CDK12: variants seen among roughly 807,000 people sequenced by gnomAD.
CDK12 encodes the protein cyclin-dependent kinase 12.
A neutral mutation model predicts 133.8 loss-of-function variants in CDK12; 17 were observed. That is an observed-to-expected ratio of 0.13 (90% CI 0.09 to 0.19). The LOEUF is 0.19. CDK12 is among the 10% of genes least tolerant of loss of function. The pLI is 1.00. For missense variants in CDK12, 1,508 were observed against 1,818.7 expected (o/e 0.83, Z 3.11); for synonymous variants, 694 against 683.6 (o/e 1.02, Z -0.24).
At chr17:39,510,512 C>T (rs983293407) in intron 7 of CDK12, among the ~76,000 whole-genome samples, 1 of 152,182 alleles carries the variant, frequency 6.6e-6, no homozygotes, top group Non-Finnish European at 1.5e-5. Flanking sequence ...TTATCACTTA[C>T]ATTTTAGGCA....
At chr17:39,508,102 C>T (rs73298796) in intron 6 of CDK12, among the ~76,000 whole-genome samples, 4,980 of 152,090 alleles carry the variant, frequency 0.033, 133 homozygotes, top group African/African-American at 0.071. Context: ...TTACATTATA[C>T]TTACTGGTTC....
chr17:39,551,702 C>A (rs1035321021), intron 2 of CDK12, among the ~76,000 whole-genome samples: 1 of 152,080 alleles, frequency 6.6e-6, no homozygotes, highest in African/African-American at 2.4e-5. Flanking sequence ...GCTCTTAGAC[C>A]CCTCTGACTC....
At chr17:39,515,071 G>C (rs911840101) in intron 8 of CDK12, among the ~76,000 whole-genome samples, 2 of 152,072 alleles carry the variant, frequency 1.3e-5, no homozygotes, top group African/African-American at 4.8e-5. Flanking sequence ...AAATTAGCCG[G>C]GTGTGGTGGT....
At chr17:39,466,833 A>G (rs1275103471) in intron 1 of CDK12, among the ~76,000 whole-genome samples, 2 of 151,958 alleles carry the variant, frequency 1.3e-5, no homozygotes, top group Non-Finnish European at 2.9e-5. Context: ...TGTGCATTAC[A>G]TGTTTTTCTT....
intron 1 of CDK12, 120 bp from the exon 2 acceptor site, chr17:39,470,759 G>T: frequency 1.2e-6 from 1 of 831,438 alleles, no homozygotes; most frequent in Non-Finnish European, 1.8e-6. Flanking sequence ...CGTTTTTGAT[G>T]GCACTTAATC....
chr17:39,487,524 A>T (rs115829383), intron 2 of CDK12, among the ~76,000 whole-genome samples: 1 of 150,894 alleles, frequency 6.6e-6, no homozygotes, highest in Non-Finnish European at 1.5e-5. Context: ...GAGAAGACCT[A>T]TCTGGCCTGA....
chr17:39,549,860 C>A (rs766288101), upstream of CDK12: 2 of 152,220 alleles, frequency 1.3e-5, no homozygotes, highest in Non-Finnish European at 2.9e-5. Flanking sequence ...CTACTCAACA[C>A]CTCCAGAAAT....
At chr17:39,541,437 G>C (rs556505184) in intron 1 of CDK12, among the ~76,000 whole-genome samples, 4 of 148,016 alleles carry the variant, frequency 2.7e-5, no homozygotes, top group Non-Finnish European at 5.9e-5. Flanking sequence ...GCGCGATCTC[G>C]GCTCACTGCA....
chr17:39,497,865 A>G (rs945599719), intron 5 of CDK12, among the ~76,000 whole-genome samples: 3 of 152,108 alleles, frequency 2.0e-5, no homozygotes, highest in Admixed American at 6.6e-5. Flanking sequence ...TTGGCCTCCT[A>G]AAGTGCTGGG....
intron 3 of CDK12, among the ~76,000 whole-genome samples, chr17:39,559,805 C>T (rs572166848): frequency 2.3e-4 from 33 of 146,226 alleles, no homozygotes; most frequent in Non-Finnish European, 3.9e-4. Context: ...TGCCACTGCA[C>T]GCCAGCCTGG....
chr17:39,486,195 C>T (rs902412751), intron 2 of CDK12, among the ~76,000 whole-genome samples: 5 of 150,678 alleles, frequency 3.3e-5, no homozygotes, highest in Non-Finnish European at 7.4e-5. Flanking sequence ...TCAGGTGATC[C>T]GCCCGCTTGG....
intron 1 of CDK12, among the ~76,000 whole-genome samples, chr17:39,542,013 GC>G (rs2143803942): frequency 6.6e-6 from 1 of 152,230 alleles, no homozygotes; most frequent in African/African-American, 2.4e-5. Flanking sequence ...CGAGTAGAGT[GC>G]CCCCAACTTT....
At chr17:39,504,039 G>T (rs1264735990) in intron 6 of CDK12, among the ~76,000 whole-genome samples, 1 of 152,180 alleles carries the variant, frequency 6.6e-6, no homozygotes, top group African/African-American at 2.4e-5. Context: ...AGTAGGGATG[G>T]ACTCGGTAGA....
At chr17:39,510,310 G>A (rs940272812) in intron 7 of CDK12, among the ~76,000 whole-genome samples, 1 of 151,584 alleles carries the variant, frequency 6.6e-6, no homozygotes, top group African/African-American at 2.4e-5. Flanking sequence ...TAGTAGAGGC[G>A]GGGTTTCACC....
At chr17:39,559,052 TATA>T (rs2056271016) in intron 3 of CDK12, among the ~76,000 whole-genome samples, 1 of 152,202 alleles carries the variant, frequency 6.6e-6, no homozygotes, top group African/African-American at 2.4e-5. Context: ...CTAATGAGAA[TATA>T]ATATTTATTA....
intron 5 of CDK12, among the ~76,000 whole-genome samples, chr17:39,496,202 C>T (rs570193894): frequency 1.3e-5 from 2 of 152,296 alleles, no homozygotes; most frequent in East Asian, 1.9e-4. Flanking sequence ...TGAGCCACCA[C>T]ACTCAGCCCT....
intron 2 of CDK12, among the ~76,000 whole-genome samples, chr17:39,485,721 T>TA (rs78266155): frequency 2.6e-3 from 363 of 140,362 alleles, no homozygotes; most frequent in East Asian, 7.4e-3. Context: ...CCCTGTCTCT[T>TA]AAAAAAAAAA....
chr17:39,466,615 G>GAAAA lies in CDK12; in HGVS notation c.1046+3535_1046+3538dup, dbSNP rs71147339. ...GGGCAACAAGAGTGAAACTCTATCT[G>GAAAA]AAAAAAAAAAAAAAAAAAAAAAAAA... On this transcript the variant is annotated intron_variant, in intron 1 of 13. Transcript: ENST00000447079. Among the ~76,000 whole-genome samples, 14 of 31,480 alleles carry GAAAA rather than the reference G, an allele frequency of 4.4e-4. 2 individuals carry two copies. Among genetic ancestry groups the GAAAA allele is most frequent in the Non-Finnish European group, 6.0e-4 (10 of 16,766 alleles). 20.7% of individuals were successfully genotyped at this position (31,480 alleles called of 152,430 possible).
At chr17:39,493,684 G>A (rs555613473) in intron 4 of CDK12, among the ~76,000 whole-genome samples, 2 of 151,750 alleles carry the variant, frequency 1.3e-5, no homozygotes, top group East Asian at 3.9e-4. Flanking sequence ...GTTTCCAAAA[G>A]AATACTATAA....
Sources: gnomAD v4.1 joint callset for allele counts (sites outside exome capture counted in the v4.1 genomes callset) on GRCh38, gnomAD v4.1.1 for gene constraint, MANE v1.5 for transcripts, NCBI Gene and HGNC (gene_info 2026-07-23, HGNC 2026-07-21) for gene names.